The following POLE4 variants were observed in gnomAD, a reference collection of about 807,000 sequenced individuals.
POLE4 encodes the protein DNA polymerase epsilon 4, accessory subunit, also known as DNA polymerase epsilon subunit 4.
A neutral mutation model predicts 15.6 loss-of-function variants in POLE4; 15 were observed. That is an observed-to-expected ratio of 0.96 (90% CI 0.64 to 1.48). The LOEUF (loss-of-function observed/expected upper bound fraction) is 1.48. POLE4 is among the 40% of genes most tolerant of loss of function. The probability of loss-of-function intolerance (pLI) is 0.00; values close to 1 mark genes in which losing one functional copy is unlikely to be tolerated. For missense variants in POLE4, 205 were observed against 151.9 expected (o/e 1.35, Z -1.84); for synonymous variants, 83 against 63.2 (o/e 1.31, Z -1.49).
At chr2:74,965,218 C>T (rs1045213981) in intron 3 of POLE4, among the ~76,000 whole-genome samples, 4 of 151,488 alleles carry the variant, frequency 2.6e-5, no homozygotes, top group East Asian at 3.9e-4. Context: ...CTCAGCCTCT[C>T]GAGTAGCTGG....
chr2:74,962,237 C>T (rs1671229326), intron 3 of POLE4, among the ~76,000 whole-genome samples: 1 of 152,172 alleles, frequency 6.6e-6, no homozygotes, highest in African/African-American at 2.4e-5. Flanking sequence ...ACTAGGATGT[C>T]TTTGGTTGTT....
intron 3 of POLE4, chr2:74,961,527 T>G (rs1459147402): frequency 6.6e-6 from 1 of 152,234 alleles, no homozygotes; most frequent in East Asian, 1.9e-4. Context: ...TCATTTTTAA[T>G]TACCAGCTTT....
intron 1 of POLE4, 60 bp downstream of exon 1, chr2:74,958,952 C>CG: frequency 6.9e-7 from 1 of 1,443,276 alleles, no homozygotes; most frequent in Non-Finnish European, 9.4e-7. Flanking sequence ...GGCGGGGCCT[C>CG]GGGGCCTCCC....
chr2:74,965,929 A>T (rs1671288652), intron 3 of POLE4, among the ~76,000 whole-genome samples: 1 of 152,210 alleles, frequency 6.6e-6, no homozygotes, highest in South Asian at 2.1e-4. Context: ...AAATTCAGAC[A>T]GTCTGTGTCT....
chr2:74,959,396 A>C lies in POLE4; in HGVS notation c.269A>C (p.Lys90Thr). 1 of 1,613,158 alleles carries C rather than the reference A, an allele frequency of 6.2e-7. No individual in the cohort carries two copies. The change falls in exon 2 of 4, where the codon AAA becomes ACA. Residue 90 changes from lysine (K) to threonine (T), a missense_variant. By Grantham distance (78) the Lys-to-Thr change is moderately conservative (BLOSUM62 -1). Transcript: ENST00000483063. ...KDAYCCAQQG[K>T]RKTLQRRDLD... Reference sequence around the variant, plus strand: ...GCCTACTGTTGCGCTCAGCAGGGAAAAAGGAAAACCCTTCAGAGGAGAGAC... The same window carrying C: ...GCCTACTGTTGCGCTCAGCAGGGAACAAGGAAAACCCTTCAGAGGAGAGAC...
chr2:74,968,002 C>G (rs1573430111), intron 3 of POLE4, among the ~76,000 whole-genome samples: 1 of 152,212 alleles, frequency 6.6e-6, no homozygotes, highest in South Asian at 2.1e-4. Flanking sequence ...AGGGATTTGA[C>G]TCTTGGTTCC....
chr2:74,960,856 T>A (rs768972436), intron 3 of POLE4, among the ~76,000 whole-genome samples: 1 of 152,234 alleles, frequency 6.6e-6, no homozygotes, highest in African/African-American at 2.4e-5. Context: ...GGTCATAACA[T>A]CCTAATGAAA....
intron 2 of POLE4, 145 bp from the exon 3 acceptor site, chr2:74,959,960 A>G (rs1362488584): frequency 1.5e-6 from 1 of 679,222 alleles, no homozygotes; most frequent in Non-Finnish European, 2.7e-6. Context: ...TAGAGTAGAT[A>G]TGGATCTCAA....
At chr2:74,969,387 T>G (rs1436476938) in intron 3 of POLE4, 22 bp from the exon 4 acceptor site, 1 of 1,612,914 alleles carries the variant, frequency 6.2e-7, no homozygotes, top group Admixed American at 1.7e-5. Context: ...CCTGATATAC[T>G]CATTGCTCTT....
intron 3 of POLE4, among the ~76,000 whole-genome samples, chr2:74,967,859 T>G (rs1671317638): frequency 6.6e-6 from 1 of 152,224 alleles, no homozygotes; most frequent in Non-Finnish European, 1.5e-5. Flanking sequence ...ACTATCATAC[T>G]GATATGAACT....
At chr2:74,966,779 G>A (rs1671302155) in intron 3 of POLE4, among the ~76,000 whole-genome samples, 1 of 152,082 alleles carries the variant, frequency 6.6e-6, no homozygotes, top group Non-Finnish European at 1.5e-5. Context: ...ACTTCATTTA[G>A]TATGGTCTGG....
chr2:74,958,856 G>C lies in POLE4; in HGVS notation c.177G>C (p.Ala59=). The C allele has an allele frequency of 6.4e-7, 1 of 1,561,492 alleles. No homozygotes were observed. The highest frequency in any genetic ancestry group is 8.7e-7 in the Non-Finnish European group (1 of 1,152,892). Residue 59 remains alanine, a synonymous_variant, in exon 1 of 4, where the codon GCG becomes GCC. Coordinates refer to ENST00000483063, the MANE Select transcript of POLE4 (RefSeq NM_019896.4). ...AGGCAGATCCCGACGTGACGCTAGC[G>C]GGACAGGAAGCCATCTTCATTCTGG... ...LVKADPDVTL[A]GQEAIFILAR...
At chr2:74,967,624 G>A (rs1342953746) in intron 3 of POLE4, among the ~76,000 whole-genome samples, 2 of 152,166 alleles carry the variant, frequency 1.3e-5, no homozygotes, top group Non-Finnish European at 2.9e-5. Context: ...TCTTGAGACT[G>A]TCTTTTTGTC....
At chr2:74,960,425 C>T (rs1200455718) in intron 3 of POLE4, among the ~76,000 whole-genome samples, 6 of 152,192 alleles carry the variant, frequency 3.9e-5, no homozygotes, top group Non-Finnish European at 5.9e-5. Flanking sequence ...TCGATTCCTA[C>T]TTTGATCGCC....
intron 3 of POLE4, among the ~76,000 whole-genome samples, chr2:74,960,417 G>A (rs761407899): frequency 6.6e-6 from 1 of 152,182 alleles, no homozygotes; most frequent in Non-Finnish European, 1.5e-5. Context: ...TCGAAAGTTC[G>A]ATTCCTACTT....
Position 74,969,703 on chromosome 2 carries a change from G to T in POLE4, c.*281G>T, listed in dbSNP as rs1671344685. The T allele has an allele frequency of 6.1e-6, 3 of 491,972 alleles. No homozygotes were observed. Among genetic ancestry groups the T allele is most frequent in the Non-Finnish European group, 1.1e-5 (3 of 271,032 alleles). 30.5% of individuals were successfully genotyped at this position (491,972 alleles called of 1,614,324 possible). Reference sequence around the variant, plus strand: ...CATAAGTGGCTTCCTGAATGATGAGGACCAGAATAAAGGTTTTTGATCAAC... The same window carrying T: ...CATAAGTGGCTTCCTGAATGATGAGTACCAGAATAAAGGTTTTTGATCAAC... On this transcript the variant is annotated 3_prime_UTR_variant, in exon 4 of 4. Coordinates refer to ENST00000483063, the MANE Select transcript of POLE4 (RefSeq NM_019896.4).
At chr2:74,961,381 T>G (rs1313960962) in intron 3 of POLE4, 1 of 152,236 alleles carries the variant, frequency 6.6e-6, no homozygotes, top group African/African-American at 2.4e-5. Context: ...TTTGCAGATT[T>G]TTCTTCAGCC....
Position 74,969,316 on chromosome 2 carries a change from C to T in POLE4, c.341-93C>T, listed in dbSNP as rs902433222. The T allele has an allele frequency of 4.4e-6, 5 of 1,128,924 alleles. No individual in the cohort carries two copies. In the African/African-American group the frequency reaches 6.1e-5, roughly 14 times the overall value. The allele number at this position is 1,128,924 out of a possible 1,614,324, so 69.9% of individuals were successfully genotyped here. On this transcript the variant is annotated intron_variant, in intron 3 of 3. Transcript: ENST00000483063. ...TGGTCTTAGAGAACTGCTGCCAATA[C>T]CGGAGCCTCTTCTGCATTAAGTTTG...
rs117095958 is a variant in POLE4, at chr2:74,968,058, T to A, written c.341-1351T>A. On this transcript the variant is annotated intron_variant, in intron 3 of 3. Coordinates refer to ENST00000483063, the MANE Select transcript of POLE4 (RefSeq NM_019896.4). The stretch of plus-strand genomic sequence containing the variant: ...GCCCAGTTTCTCAGCTTTTTCAGAT[T>A]GGCAGATGTCATGAGAGCAGAAGTA... 1.6e-4 allele frequency among the ~76,000 whole-genome samples: 25 copies of A among 152,326 alleles called. 1 individual carries two copies. The East Asian group carries it at 4.4e-3, about 27-fold the overall frequency.
Sources: gnomAD v4.1 joint callset for allele counts (sites outside exome capture counted in the v4.1 genomes callset) on GRCh38, gnomAD v4.1.1 for gene constraint, MANE v1.5 for transcripts, NCBI Gene and HGNC (gene_info 2026-07-23, HGNC 2026-07-21) for gene names.